SAGE1: variants seen among roughly 807,000 people sequenced by gnomAD.
SAGE1 encodes cancer/testis antigen 14.
Under a neutral mutation model 55.4 loss-of-function variants are expected in SAGE1, and 55 were observed. That is an observed-to-expected ratio of 0.99 (90% CI 0.80 to 1.24). The LOEUF (loss-of-function observed/expected upper bound fraction) is 1.24, where lower values mean the gene tolerates loss of function less well. Among genes scored for constraint, SAGE1 ranks in the 50% most tolerant of loss-of-function variants. The pLI is 0.00. For missense variants in SAGE1, 710 were observed against 704.4 expected (o/e 1.01, Z -0.09); for synonymous variants, 240 against 244.3 (o/e 0.98, Z 0.17).
chrX:135,895,696 C>G (rs1331780542), intron 1 of SAGE1, among the ~76,000 whole-genome samples: 1 of 111,698 alleles, frequency 9.0e-6, no homozygotes, highest in Non-Finnish European at 1.9e-5. Flanking sequence ...AACGAGTCAG[C>G]TAACTCTAGG....
intron 1 of SAGE1, among the ~76,000 whole-genome samples, chrX:135,895,177 T>C (rs5975628): frequency 0.21 from 23,779 of 110,894 alleles, 2,002 homozygotes; most frequent in Non-Finnish European, 0.26. Context: ...CAGGTATAAC[T>C]AGCTGGAAAA....
intron 2 of SAGE1, among the ~76,000 whole-genome samples, chrX:135,900,912 C>T (rs1556596126): frequency 1.8e-5 from 2 of 109,935 alleles, no homozygotes; most frequent in African/African-American, 3.3e-5. Context: ...TTTGGGAGGC[C>T]GAGGTGGGAG....
chrX:135,908,563 G>A lies in SAGE1; in HGVS notation c.1387G>A (p.Gly463Arg), dbSNP rs782360472. 62 of 1,204,814 alleles carry A rather than the reference G, an allele frequency of 5.1e-5. No individual in the cohort carries two copies. Among genetic ancestry groups the A allele is most frequent in the Admixed American group, 2.7e-4 (12 of 44,891 alleles). Residue 463 changes from glycine to arginine, a missense_variant, in exon 12 of 20, where the codon GGG becomes AGG. Coordinates refer to ENST00000370709, the MANE Select transcript of SAGE1 (RefSeq NM_001381902.1). ...QDNVLSNVLS[G>R]LINMAGASIP... The stretch of plus-strand genomic sequence containing the variant: ...TAACGTCTTGTCAAATGTTCTATCC[G>A]GGCTTATTAATATGGCAGGAGCTAG...
intron 13 of SAGE1, 122 bp downstream of exon 13, chrX:135,909,126 G>T (rs2088850344): frequency 3.2e-6 from 2 of 615,831 alleles, no homozygotes; most frequent in Non-Finnish European, 5.0e-6. Context: ...GATCTCAGTT[G>T]TCCACATGGC....
intron 18 of SAGE1, 122 bp downstream of exon 18, chrX:135,912,075 A>T: frequency 9.0e-7 from 1 of 1,115,718 alleles, no homozygotes; most frequent in African/African-American, 1.8e-5. Context: ...TATATAATTT[A>T]GCATGGCTTT....
chrX:135,907,189 C>T (rs1481333373), intron 8 of SAGE1, 123 bp downstream of exon 8: 152 of 1,031,123 alleles, frequency 1.5e-4, no homozygotes, highest in Non-Finnish European at 1.9e-4. Flanking sequence ...GGTCTCAGAT[C>T]ACCACCTGTC....
chrX:135,895,961 T>C (rs1556593343), intron 1 of SAGE1, among the ~76,000 whole-genome samples: 2 of 111,308 alleles, frequency 1.8e-5, no homozygotes, highest in East Asian at 5.6e-4. Flanking sequence ...TTGTTTAACC[T>C]AACCTAGTGG....
At chrX:135,905,207 A>T in intron 4 of SAGE1, 45 bp from the exon 5 acceptor site, 1 of 1,162,466 alleles carries the variant, frequency 8.6e-7, no homozygotes, top group South Asian at 1.9e-5. Context: ...TTCAATTGTC[A>T]TAATGCACAT....
chrX:135,907,802 G>A lies in SAGE1; in HGVS notation c.1120G>A (p.Ala374Thr), dbSNP rs1168792762. The part of the protein sequence containing the change: ...STVLPGLAYL[A>T]TADMPAMSTR... ...TGTTCTACCAGGGCTTGCTTATTTG[G>A]CAACAGCTGATATGCCAGCCATGAG... The change falls in exon 10 of 20, where the codon GCA (alanine) becomes ACA (threonine). Residue 374 changes from alanine (A) to threonine (T), a missense_variant. By Grantham distance (58) the Ala-to-Thr change is moderately conservative. Transcript: ENST00000370709. 8.3e-7 allele frequency: 1 copy of A among 1,208,309 alleles called. No individual in the cohort carries two copies. The highest frequency in any genetic ancestry group is 1.1e-6 in the Non-Finnish European group (1 of 894,034).
intron 16 of SAGE1, among the ~76,000 whole-genome samples, chrX:135,910,776 A>G (rs950491258): frequency 9.0e-6 from 1 of 111,489 alleles, no homozygotes; most frequent in Non-Finnish European, 1.9e-5. Context: ...CACTTACCTC[A>G]CGGCTCAATC....
Position 135,907,406 on chromosome X carries a change from T to C in SAGE1, c.971T>C (p.Ile324Thr). ...NVLSTVQPVI[I>T]YLTATGIPGM... ...TTGTCAACTGTTCAACCAGTGATTA[T>C]TTATTTGACAGCAACTGGTATTCCG... is the stretch of plus-strand genomic sequence containing the variant. Residue 324 changes from isoleucine (I) to threonine (T), a missense_variant, in exon 9 of 20, where the codon ATT becomes ACT. Transcript: ENST00000370709. 8.3e-7 allele frequency: 1 copy of C among 1,208,545 alleles called. No individual in the cohort carries two copies. The highest frequency in any genetic ancestry group is 1.1e-6 in the Non-Finnish European group (1 of 892,906).
intron 1 of SAGE1, among the ~76,000 whole-genome samples, chrX:135,894,354 G>T (rs1351511386): frequency 2.7e-5 from 3 of 113,129 alleles, no homozygotes; most frequent in African/African-American, 9.6e-5. Context: ...TTACAGGCGT[G>T]AGCCACTGCA....
At chrX:135,912,255 G>A in intron 18 of SAGE1, 66 bp from the exon 19 acceptor site, 1 of 1,154,197 alleles carries the variant, frequency 8.7e-7, no homozygotes, top group Non-Finnish European at 1.2e-6. Context: ...GGTAGTGGAT[G>A]CACTAAGATT....
chrX:135,901,545 C>A lies in SAGE1; in HGVS notation c.88-14C>A. ...ATTTGTCTTTAATGGAATATGTTCACTGATGTTTTTCAGCAAATGAGGAGT... is the reference window on the plus strand; with the variant it reads ...ATTTGTCTTTAATGGAATATGTTCAATGATGTTTTTCAGCAAATGAGGAGT... On this transcript the variant is annotated splice_polypyrimidine_tract_variant and intron_variant, in intron 2 of 19. Coordinates refer to ENST00000370709, the MANE Select transcript of SAGE1 (RefSeq NM_001381902.1). 8.3e-7 allele frequency: 1 copy of A among 1,204,190 alleles called. No homozygotes were observed. The highest frequency in any genetic ancestry group is 1.1e-6 in the Non-Finnish European group (1 of 891,395).
chrX:135,895,684 C>T, intron 1 of SAGE1, among the ~76,000 whole-genome samples: 1 of 111,634 alleles, frequency 9.0e-6, no homozygotes, highest in Non-Finnish European at 1.9e-5. Flanking sequence ...TCCTCCACTT[C>T]AAACGAGTCA....
At chrX:135,894,849 A>C (rs1231375348) in intron 1 of SAGE1, among the ~76,000 whole-genome samples, 1 of 111,300 alleles carries the variant, frequency 9.0e-6, no homozygotes, top group African/African-American at 3.3e-5. Flanking sequence ...GCTGAAACCA[A>C]ACAAGTGTTT....
rs782018649 is a variant in SAGE1 at position 135,909,625 on chromosome X, T to C, written c.1583-14T>C. 1.1e-5 allele frequency: 13 copies of C among 1,190,956 alleles called. No individual in the cohort carries two copies. Among genetic ancestry groups the C allele is most frequent in the Admixed American group, 2.3e-5 (1 of 44,054 alleles). On this transcript the variant is annotated splice_polypyrimidine_tract_variant and intron_variant, in intron 13 of 19. Transcript: ENST00000370709. The stretch of plus-strand genomic sequence containing the variant: ...CACTTACGTCACAAGTCAACCTCTT[T>C]ATTTGGTTTCCAGATGCTACCGTCA...
At position 135,911,726 on chromosome X, in the gene SAGE1, A is replaced by G; in HGVS notation, c.2294A>G (p.His765Arg). The G allele has an allele frequency of 8.3e-7, 1 of 1,210,664 alleles. No homozygotes were observed. The highest frequency in any genetic ancestry group is 1.1e-6 in the Non-Finnish European group (1 of 894,580). The change falls in exon 18 of 20, where the codon CAC (histidine) becomes CGC (arginine). Residue 765 changes from histidine to arginine, a missense_variant. His to Arg is a conservative substitution (Grantham distance 29, BLOSUM62 0). Transcript: ENST00000370709. ...CCCAATGCATTGGATTCTTTCTCTC[A>G]CGACTTCACAAGTCTCAGCAAAGAT... ...MPPNALDSFS[H>R]DFTSLSKDEL...
Position 135,906,507 on chromosome X carries a change from A to T in SAGE1, c.692A>T (p.Asn231Ile). ...VLLTLRPRRI[N>I]MTDTGISPMS... ...TTGACTCTTCGACCACGGCGTATTA[A>T]TATGACAGACACTGGTATTTCACCC... Residue 231 changes from asparagine (N) to isoleucine (I), a missense_variant, in exon 7 of 20, where the codon AAT becomes ATT. Physicochemically the swap from Asn to Ile is moderately radical, Grantham distance 149 (BLOSUM62 -3). Transcript: ENST00000370709. 8.3e-7 allele frequency: 1 copy of T among 1,210,879 alleles called. No individual in the cohort carries two copies. The highest frequency in any genetic ancestry group is 1.1e-6 in the Non-Finnish European group (1 of 894,632).
Sources: allele counts gnomAD v4.1 joint callset (sites outside exome capture counted in the v4.1 genomes callset), GRCh38; gene constraint gnomAD v4.1.1; transcripts MANE v1.5; gene names NCBI Gene and HGNC (gene_info 2026-07-23, HGNC 2026-07-21).